Variants in CCDC178 observed in about 807,000 individuals in gnomAD.
CCDC178 encodes the protein coiled-coil domain-containing protein 178.
Under a neutral mutation model 117.4 loss-of-function variants are expected in CCDC178, and 126 were observed. The ratio of observed to expected loss-of-function variants is 1.07; its 90% CI spans 0.93 to 1.24. CCDC178 has a LOEUF of 1.24. Among genes scored for constraint, CCDC178 ranks in the 50% most tolerant of loss-of-function variants. CCDC178 has a pLI of 0.00. For synonymous variants in CCDC178, 283 were observed against 313.4 expected, an observed-to-expected ratio of 0.90 and a Z score of 1.02; for missense variants, 1,030 against 986.9, an observed-to-expected ratio of 1.04 and a Z score of -0.59.
rs2144989292 is a variant in CCDC178, at chr18:33,436,766, G to T, written c.-23+3196C>A. On this transcript the variant is annotated intron_variant, in intron 2 of 22. Transcript: ENST00000383096. The stretch of plus-strand genomic sequence containing the variant: ...AGGAAGACATTCAAAGTAAAGGCTG[G>T]TAACATAGCTAGAATATGTCTATAT... Among the ~76,000 whole-genome samples the T allele has an allele frequency of 1.3e-5, 2 of 152,256 alleles. 1 individual carries two copies. Among genetic ancestry groups the T allele is most frequent in the South Asian group, 4.1e-4 (2 of 4,824 alleles).
chr18:32,965,463 C>T (rs1031063171), intron 22 of CCDC178, among the ~76,000 whole-genome samples: 1 of 151,768 alleles, frequency 6.6e-6, no homozygotes, highest in South Asian at 2.1e-4. Context: ...CTTTTAAAGT[C>T]CTGTTTAGCC....
intron 2 of CCDC178, among the ~76,000 whole-genome samples, chr18:33,423,064 T>C (rs990900526): frequency 1.3e-5 from 2 of 152,184 alleles, no homozygotes; most frequent in Non-Finnish European, 2.9e-5. Context: ...AATCTCACTT[T>C]ACCCATTTTC....
At chr18:33,361,658 G>T (rs1024409128) in intron 6 of CCDC178, among the ~76,000 whole-genome samples, 2 of 151,592 alleles carry the variant, frequency 1.3e-5, no homozygotes, top group Admixed American at 6.6e-5. Flanking sequence ...AGGACATGAC[G>T]TATCTTCAAA....
In CCDC178 at chr18:33,333,259, T is replaced by C; in HGVS notation, c.794A>G (p.Tyr265Cys). 2 of 1,612,428 alleles carry C rather than the reference T, an allele frequency of 1.2e-6. No homozygotes were observed. The highest frequency in any genetic ancestry group is 8.5e-7 in the Non-Finnish European group (1 of 1,178,668). The change falls in exon 10 of 23, where the codon TAC becomes TGC. Residue 265 changes from tyrosine (Y) to cysteine (C), a missense_variant. By Grantham distance (194) the Tyr-to-Cys change is radical. Transcript: ENST00000383096. Reference sequence around the variant, plus strand: ...CAGTAGAGGGCCATGTTCATTCATGTAGTCTATGTCTGCTTGAATCTTTGC... The same window carrying C: ...CAGTAGAGGGCCATGTTCATTCATGCAGTCTATGTCTGCTTGAATCTTTGC... ...ANAKIQADID[Y>C]MNEHGPLLDS...
chr18:33,027,582 C>T, intron 21 of CCDC178, among the ~76,000 whole-genome samples: 1 of 151,694 alleles, frequency 6.6e-6, no homozygotes, highest in Non-Finnish European at 1.5e-5. Flanking sequence ...GTAAATATCA[C>T]AAGAATATCT....
At chr18:33,081,146 T>C (rs1338197338) in intron 21 of CCDC178, among the ~76,000 whole-genome samples, 1 of 152,158 alleles carries the variant, frequency 6.6e-6, no homozygotes, top group African/African-American at 2.4e-5. Flanking sequence ...TAGGTTTCTT[T>C]AGCCAGAACT....
At chr18:33,052,605 A>T (rs1598830979) in intron 21 of CCDC178, among the ~76,000 whole-genome samples, 1 of 152,308 alleles carries the variant, frequency 6.6e-6, no homozygotes, top group East Asian at 1.9e-4. Context: ...ACAAAAACCT[A>T]GAGGAAGAGA....
In CCDC178 at chr18:33,219,717, T is replaced by A. The variant is rs191138857; in HGVS notation, c.1932+3389A>T. Among the ~76,000 whole-genome samples the A allele has an allele frequency of 2.1e-3, 322 of 152,032 alleles. 1 individual carries two copies. Among genetic ancestry groups the A allele is most frequent in the Non-Finnish European group, 3.2e-3 (219 of 67,968 alleles). ...ACATGTTCTCACTCATAGGTGGGAATTGAACAATGAGAACACTTGGACACA... is the reference window on the plus strand; with the variant it reads ...ACATGTTCTCACTCATAGGTGGGAAATGAACAATGAGAACACTTGGACACA... On this transcript the variant is annotated intron_variant, in intron 18 of 22. Coordinates refer to ENST00000383096, the MANE Select transcript of CCDC178 (RefSeq NM_001105528.4).
At position 33,293,299 on chromosome 18, in the gene CCDC178, GAT is replaced by G; in HGVS notation, c.1034_1035del (p.Tyr345SerfsTer3). The G allele has an allele frequency of 6.7e-7, 1 of 1,498,160 alleles. No individual in the cohort carries two copies. Among genetic ancestry groups the G allele is most frequent in the Non-Finnish European group, 9.2e-7 (1 of 1,086,484 alleles). The allele number at this position is 1,498,160 out of a possible 1,614,324, so 92.8% of individuals were successfully genotyped here. On this transcript the variant is annotated frameshift_variant, in exon 12 of 23. Coordinates refer to ENST00000383096, the MANE Select transcript of CCDC178 (RefSeq NM_001105528.4). LOFTEE classifies it high-confidence loss of function. ...TAATGATCAAATAGACTGTTAAGTT[GAT>G]ATATCTCTCTCCTAGGGATAAAAAC... is the stretch of plus-strand genomic sequence containing the variant. ...KTIEAYKREI[Y>X]QLNSLFDHYS...
At chr18:33,410,089 A>G (rs979467681) in intron 3 of CCDC178, among the ~76,000 whole-genome samples, 1 of 152,206 alleles carries the variant, frequency 6.6e-6, no homozygotes, top group African/African-American at 2.4e-5. Flanking sequence ...TTGACTTTCT[A>G]GCTTTTGCTT....
chr18:33,151,107 G>A (rs766984423), intron 20 of CCDC178, among the ~76,000 whole-genome samples: 1 of 152,164 alleles, frequency 6.6e-6, no homozygotes, highest in African/African-American at 2.4e-5. Context: ...CTGGAAGAGG[G>A]TGAGAGATAA....
chr18:32,995,032 G>C (rs2055474227), intron 21 of CCDC178, among the ~76,000 whole-genome samples: 1 of 152,192 alleles, frequency 6.6e-6, no homozygotes, highest in African/African-American at 2.4e-5. Flanking sequence ...TGAGAGGAAA[G>C]CTGGCAATGA....
intron 21 of CCDC178, among the ~76,000 whole-genome samples, chr18:32,994,389 A>G (rs1161617822): frequency 6.6e-6 from 1 of 152,208 alleles, no homozygotes; most frequent in Non-Finnish European, 1.5e-5. Context: ...TTTAAAGAAT[A>G]AGAATTTCAT....
intron 22 of CCDC178, among the ~76,000 whole-genome samples, chr18:32,940,950 A>G (rs1225050133): frequency 6.6e-6 from 1 of 152,044 alleles, no homozygotes; most frequent in Non-Finnish European, 1.5e-5. Context: ...TAGGAGGTAG[A>G]GCTCCTCAGC....
intron 20 of CCDC178, among the ~76,000 whole-genome samples, chr18:33,210,571 A>C (rs1284865138): frequency 6.6e-6 from 1 of 152,070 alleles, no homozygotes; most frequent in Non-Finnish European, 1.5e-5. Flanking sequence ...CTGTGACTAG[A>C]AAATGTGGTT....
chr18:33,355,249 GTTA>G (rs1392195482), intron 7 of CCDC178, among the ~76,000 whole-genome samples: 1 of 152,150 alleles, frequency 6.6e-6, no homozygotes, highest in Non-Finnish European at 1.5e-5. Flanking sequence ...TCTGTAGTGG[GTTA>G]TTGTTTGTTT....
intron 6 of CCDC178, among the ~76,000 whole-genome samples, chr18:33,369,539 G>C (rs541051885): frequency 9.9e-4 from 150 of 152,012 alleles, no homozygotes; most frequent in African/African-American, 3.3e-3. Context: ...ATCATCCTTT[G>C]AAAATAATTG....
chr18:33,321,774 C>G lies in CCDC178; in HGVS notation c.1022+1717G>C, dbSNP rs537605012. 2.0e-5 allele frequency among the ~76,000 whole-genome samples: 3 copies of G among 151,396 alleles called. No homozygotes were observed. In the South Asian group the frequency reaches 6.3e-4, roughly 32 times the overall value. On this transcript the variant is annotated intron_variant, in intron 11 of 22. Transcript: ENST00000383096. ...AAAGAAAAAAATACAACAAATGTGG[C>G]AAATAGAGTAAGTTATGTGGTAGTT... is the stretch of plus-strand genomic sequence containing the variant.
In CCDC178 at chr18:33,058,162, C is replaced by A. The variant is rs111803513; in HGVS notation, c.2388+34599G>T. Among the ~76,000 whole-genome samples the A allele has an allele frequency of 4.4e-3, 667 of 152,200 alleles. 4 individuals carry two copies. The highest frequency in any genetic ancestry group is 0.015 in the African/African-American group (635 of 41,526). On this transcript the variant is annotated intron_variant, in intron 21 of 22. Coordinates refer to ENST00000383096, the MANE Select transcript of CCDC178 (RefSeq NM_001105528.4). ...AATTTCACTCCTAGATACATACACC[C>A]TACAGAAATGAAAACATACGTCTAC...
Sources: gnomAD v4.1 joint callset for allele counts (sites outside exome capture counted in the v4.1 genomes callset) on GRCh38, gnomAD v4.1.1 for gene constraint, MANE v1.5 for transcripts, NCBI Gene and HGNC (gene_info 2026-07-23, HGNC 2026-07-21) for gene names.